C12orf50: variants seen among roughly 807,000 people sequenced by gnomAD.
The protein encoded by C12orf50 is uncharacterized protein C12orf50.
A neutral mutation model predicts 61.6 loss-of-function variants in C12orf50; 35 were observed. The observed-to-expected ratio is 0.57, with a 90% confidence interval of 0.43 to 0.75. The LOEUF is 0.75. C12orf50 is among the 30% of genes least tolerant of loss of function. The pLI is 0.00. For synonymous variants in C12orf50, 178 were observed against 161.5 expected, an observed-to-expected ratio of 1.10 and a Z score of -0.77; for missense variants, 475 against 488.5, an observed-to-expected ratio of 0.97 and a Z score of 0.26.
intron 3 of C12orf50, among the ~76,000 whole-genome samples, chr12:88,019,090 G>T (rs1233634346): frequency 6.6e-6 from 1 of 152,034 alleles, no homozygotes. Context: ...GGGATGGAAT[G>T]ATATGGTTTG....
intron 3 of C12orf50, among the ~76,000 whole-genome samples, chr12:88,007,848 T>C (rs1309874086): frequency 6.6e-6 from 1 of 152,156 alleles, no homozygotes; most frequent in Non-Finnish European, 1.5e-5. Flanking sequence ...ATAAATTAAA[T>C]GCCAGTGATA....
intron 3 of C12orf50, among the ~76,000 whole-genome samples, chr12:88,013,891 G>A (rs1299457102): frequency 3.9e-5 from 6 of 152,190 alleles, no homozygotes; most frequent in Non-Finnish European, 7.3e-5. Context: ...TAATTCTAAC[G>A]TGGAGCCAGA....
chr12:88,028,173 G>A (rs2032775710), intron 1 of C12orf50, among the ~76,000 whole-genome samples: 1 of 152,090 alleles, frequency 6.6e-6, no homozygotes, highest in Non-Finnish European at 1.5e-5. Context: ...TTACTCATTA[G>A]CCACTCTGCT....
intron 3 of C12orf50, among the ~76,000 whole-genome samples, chr12:88,010,873 A>C (rs1466037076): frequency 3.3e-5 from 5 of 152,232 alleles, no homozygotes; most frequent in South Asian, 2.1e-4. Context: ...ACCTCTCTAC[A>C]ATGGTTGAAA....
At chr12:87,997,906 C>A in intron 4 of C12orf50, 129 bp downstream of exon 4, 2 of 675,720 alleles carry the variant, frequency 3.0e-6, no homozygotes, top group Non-Finnish European at 4.7e-6. Context: ...TAGTTTAATA[C>A]AATTATAGTT....
chr12:88,005,912 G>GTTTTTTTTTTTTTTTT (rs371924944), intron 3 of C12orf50, among the ~76,000 whole-genome samples: 2 of 91,032 alleles, frequency 2.2e-5, no homozygotes, highest in African/African-American at 4.3e-5. Context: ...TGTTTTTTTG[G>GTTTTTTTTTTTTTTTT]TTTTTTTTTT....
chr12:87,998,801 A>G (rs527512270), intron 3 of C12orf50, among the ~76,000 whole-genome samples: 1 of 152,344 alleles, frequency 6.6e-6, no homozygotes, highest in Admixed American at 6.5e-5. Flanking sequence ...AAATCTTTAT[A>G]TGAATCAATT....
intron 3 of C12orf50, among the ~76,000 whole-genome samples, chr12:88,021,659 C>A (rs1446571796): frequency 6.6e-6 from 1 of 151,624 alleles, no homozygotes; most frequent in Non-Finnish European, 1.5e-5. Flanking sequence ...ACAAAAGGGA[C>A]ATTACCACTG....
intron 7 of C12orf50, among the ~76,000 whole-genome samples, chr12:87,994,197 T>G (rs2031271072): frequency 6.7e-6 from 1 of 149,914 alleles, no homozygotes; most frequent in Non-Finnish European, 1.5e-5. Context: ...GAGACTTCCA[T>G]CTCATAAATA....
At chr12:88,019,171 G>T (rs534162337) in intron 3 of C12orf50, among the ~76,000 whole-genome samples, 1 of 151,542 alleles carries the variant, frequency 6.6e-6, no homozygotes, top group Non-Finnish European at 1.5e-5. Context: ...GGAGGAATTC[G>T]ATGGGAGGTA....
chr12:87,994,065 T>A (rs1312364259), intron 7 of C12orf50, among the ~76,000 whole-genome samples: 5 of 152,004 alleles, frequency 3.3e-5, no homozygotes, highest in African/African-American at 1.2e-4. Flanking sequence ...CCGGGTGTGG[T>A]GGCACGCACC....
chr12:87,985,006 TTAAA>T (rs2030732330), intron 11 of C12orf50: 3 of 152,098 alleles, frequency 2.0e-5, no homozygotes, highest in Admixed American at 2.0e-4. Flanking sequence ...GAAAAATAAT[TTAAA>T]TAAGCTAATG....
At chr12:87,987,759 C>CT in intron 9 of C12orf50, 91 bp downstream of exon 9, 1 of 858,690 alleles carries the variant, frequency 1.2e-6, no homozygotes, top group Admixed American at 2.6e-5. Context: ...TTTTTTCTTT[C>CT]TTTTTTAAAA....
chr12:87,988,647 G>T (rs1233363226), intron 8 of C12orf50, among the ~76,000 whole-genome samples: 2 of 152,126 alleles, frequency 1.3e-5, no homozygotes. Context: ...TTGATCACAG[G>T]CAACCTTTCC....
intron 3 of C12orf50, among the ~76,000 whole-genome samples, chr12:88,004,050 T>C (rs1592666213): frequency 6.6e-6 from 1 of 152,262 alleles, no homozygotes; most frequent in South Asian, 2.1e-4. Context: ...TGATCCCTTA[T>C]AGTATTTTTT....
At chr12:88,009,694 A>C (rs1349809476) in intron 3 of C12orf50, among the ~76,000 whole-genome samples, 1 of 152,026 alleles carries the variant, frequency 6.6e-6, no homozygotes, top group Non-Finnish European at 1.5e-5. Flanking sequence ...AAACAGAAAA[A>C]CCTATTCCAT....
chr12:88,000,147 TC>T (rs1358847072), intron 3 of C12orf50, among the ~76,000 whole-genome samples: 2 of 152,084 alleles, frequency 1.3e-5, no homozygotes, highest in Non-Finnish European at 2.9e-5. Context: ...TTTAAAGTGA[TC>T]CAATGTTCCA....
chr12:88,026,659 A>G, intron 2 of C12orf50, 51 bp from the exon 3 acceptor site: 1 of 1,596,016 alleles, frequency 6.3e-7, no homozygotes. Context: ...CCATATTTAC[A>G]ACAAATACAA....
At chr12:87,997,601 C>T (rs880000978) in intron 4 of C12orf50, among the ~76,000 whole-genome samples, 1 of 151,988 alleles carries the variant, frequency 6.6e-6, no homozygotes, top group Non-Finnish European at 1.5e-5. Flanking sequence ...TGTGACATTC[C>T]CCTCCCTGTG....
Sources: gnomAD v4.1 joint callset for allele counts (sites outside exome capture counted in the v4.1 genomes callset) on GRCh38, gnomAD v4.1.1 for gene constraint, MANE v1.5 for transcripts, NCBI Gene and HGNC (gene_info 2026-07-23, HGNC 2026-07-21) for gene names.